Variants in KDM7A observed in about 807,000 individuals in gnomAD.
KDM7A encodes the protein lysine-specific demethylase 7A.
In KDM7A, 28 loss-of-function variants were observed where a neutral mutation model predicts 114.8. The ratio of observed to expected loss-of-function variants is 0.24; its 90% CI spans 0.18 to 0.33. KDM7A has a LOEUF of 0.33. KDM7A is among the 10% of genes least tolerant of loss of function. The pLI is 1.00. For synonymous variants in KDM7A, 423 were observed against 397.8 expected (o/e 1.06, Z -0.75); for missense variants, 942 against 1,142.5 (o/e 0.82, Z 2.53).
chr7:140,173,915 G>C (rs1340359903), intron 1 of KDM7A, among the ~76,000 whole-genome samples: 2 of 152,140 alleles, frequency 1.3e-5, no homozygotes, highest in African/African-American at 4.8e-5. Flanking sequence ...TGTAATCCCA[G>C]CACTTTGGGA....
intron 1 of KDM7A, among the ~76,000 whole-genome samples, chr7:140,160,851 T>G (rs1794511416): frequency 6.6e-6 from 1 of 152,086 alleles, no homozygotes; most frequent in African/African-American, 2.4e-5. Context: ...TACTTGGCAT[T>G]TGGATGGTTG....
chr7:140,157,995 T>TAAATAAATAAATAAATA (rs36113160), intron 1 of KDM7A, among the ~76,000 whole-genome samples: 1 of 139,406 alleles, frequency 7.2e-6, no homozygotes, highest in Non-Finnish European at 1.5e-5. Flanking sequence ...AATAAATAAA[T>TAAATAAATAAATAAATA]AATAATAATA....
At chr7:140,146,525 G>A (rs1794341914) in intron 1 of KDM7A, among the ~76,000 whole-genome samples, 2 of 152,154 alleles carry the variant, frequency 1.3e-5, no homozygotes, top group Non-Finnish European at 2.9e-5. Flanking sequence ...TTCAAACCTG[G>A]CACATAACCT....
intron 1 of KDM7A, among the ~76,000 whole-genome samples, chr7:140,171,861 C>G (rs1231293612): frequency 2.0e-5 from 3 of 151,854 alleles, no homozygotes; most frequent in African/African-American, 7.3e-5. Context: ...ATAGTGTATT[C>G]TTTTTTACAG....
In KDM7A at chr7:140,088,512, C is replaced by T. The variant is rs927788815; in HGVS notation, c.*2582G>A. On this transcript the variant is annotated 3_prime_UTR_variant, in exon 20 of 20. Coordinates refer to ENST00000397560, the MANE Select transcript of KDM7A (RefSeq NM_030647.2). ...ATGGTATAAATGAGGTTCTCTATTACTGTTAAGCCCAGGTACTCGCAGCAG... is the reference window on the plus strand; with the variant it reads ...ATGGTATAAATGAGGTTCTCTATTATTGTTAAGCCCAGGTACTCGCAGCAG... The T allele has an allele frequency of 3.0e-5, 12 of 398,362 alleles. No individual in the cohort carries two copies. Among genetic ancestry groups the T allele is most frequent in the African/African-American group, 2.3e-4 (11 of 48,734 alleles). The allele number at this position is 398,362 out of a possible 1,614,324, so 24.7% of individuals were successfully genotyped here.
At chr7:140,113,349 T>C (rs903265222) in intron 10 of KDM7A, 142 bp downstream of exon 10, 3 of 475,056 alleles carry the variant, frequency 6.3e-6, no homozygotes, top group Non-Finnish European at 1.1e-5. Context: ...TACTGAATAA[T>C]AAAATGCAGG....
intron 1 of KDM7A, among the ~76,000 whole-genome samples, chr7:140,150,546 G>GT (rs1360452188): frequency 6.6e-6 from 1 of 152,168 alleles, no homozygotes; most frequent in Non-Finnish European, 1.5e-5. Context: ...AGCCAGGTGC[G>GT]TAACAGTTTG....
intron 11 of KDM7A, among the ~76,000 whole-genome samples, chr7:140,103,869 C>A (rs1441267292): frequency 6.6e-6 from 1 of 152,154 alleles, no homozygotes; most frequent in African/African-American, 2.4e-5. Flanking sequence ...AGTTCTAGAT[C>A]CCTGAGGAAT....
intron 7 of KDM7A, 110 bp from the exon 8 acceptor site, chr7:140,120,639 T>C (rs1362747906): frequency 1.5e-6 from 1 of 660,330 alleles, no homozygotes; most frequent in African/African-American, 1.8e-5. Flanking sequence ...TTACTTCATA[T>C]TTCAGTGCTA....
chr7:140,160,782 A>G (rs964692550), intron 1 of KDM7A, among the ~76,000 whole-genome samples: 2 of 152,206 alleles, frequency 1.3e-5, no homozygotes, highest in African/African-American at 4.8e-5. Flanking sequence ...TACAGGCTGG[A>G]TGCCCACAAA....
chr7:140,115,491 T>C (rs1818512017), intron 9 of KDM7A, among the ~76,000 whole-genome samples: 1 of 152,214 alleles, frequency 6.6e-6, no homozygotes, highest in African/African-American at 2.4e-5. Flanking sequence ...TCTATGACCT[T>C]ACCCCCAACC....
intron 5 of KDM7A, among the ~76,000 whole-genome samples, 167 bp downstream of exon 5, chr7:140,127,275 A>G (rs914933535): frequency 3.3e-5 from 5 of 152,254 alleles, no homozygotes; most frequent in South Asian, 2.1e-4. Context: ...TTTAAAATAC[A>G]TCTTATTTCT....
intron 11 of KDM7A, among the ~76,000 whole-genome samples, chr7:140,107,975 T>C (rs1054550825): frequency 6.6e-5 from 10 of 152,154 alleles, no homozygotes; most frequent in African/African-American, 2.4e-4. Context: ...TTGTTTCTTT[T>C]TACTCTTTTT....
Position 140,097,617 on chromosome 7 carries a change from T to A in KDM7A, c.1944A>T (p.Glu648Asp). 1 of 1,604,976 alleles carries A rather than the reference T, an allele frequency of 6.2e-7. No homozygotes were observed. Among genetic ancestry groups the A allele is most frequent in the Non-Finnish European group, 8.5e-7 (1 of 1,171,888 alleles). ...AATATCCTGATGATCTACTCCTGAG[T>A]TCTGATTTCACACGTGTAAAAAACC... ...LNGFFTRVKS[E>D]LRSRSSGYSD... Residue 648 changes from glutamate (E) to aspartate (D), a missense_variant, in exon 15 of 20, where the codon GAA becomes GAT. Coordinates refer to ENST00000397560, the MANE Select transcript of KDM7A (RefSeq NM_030647.2).
At position 140,089,346 on chromosome 7, in the gene KDM7A, G is replaced by A. The variant is rs1460136209; in HGVS notation, c.*1748C>T. 1 of 152,134 alleles carries A rather than the reference G, an allele frequency of 6.6e-6. No individual in the cohort carries two copies. The highest frequency in any genetic ancestry group is 1.5e-5 in the Non-Finnish European group (1 of 68,024). 9.4% of individuals were successfully genotyped at this position (152,134 alleles called of 1,614,324 possible). A position where few individuals can be genotyped will look rare whatever the true frequency, so the allele number is the denominator to read the frequency against. On this transcript the variant is annotated 3_prime_UTR_variant, in exon 20 of 20. Coordinates refer to ENST00000397560, the MANE Select transcript of KDM7A (RefSeq NM_030647.2). ...TTTCATATTTATCCCATGACATTTT[G>A]GAATGGGGACACAAGAAGTATTTCT... is the stretch of plus-strand genomic sequence containing the variant.
intron 1 of KDM7A, among the ~76,000 whole-genome samples, chr7:140,166,240 G>A (rs1794573468): frequency 1.3e-5 from 2 of 151,632 alleles, no homozygotes; most frequent in African/African-American, 2.4e-5. Flanking sequence ...AAAACTATAC[G>A]ATTCTCTCCA....
chr7:140,089,893 A>G lies in KDM7A; in HGVS notation c.*1201T>C, dbSNP rs1168832254. The G allele has an allele frequency of 6.6e-6, 1 of 152,262 alleles. No individual in the cohort carries two copies. The highest frequency in any genetic ancestry group is 2.4e-5 in the African/African-American group (1 of 41,478). 9.4% of individuals were successfully genotyped at this position (152,262 alleles called of 1,614,324 possible). A position where few individuals can be genotyped will look rare whatever the true frequency, so the allele number is the denominator to read the frequency against. ...AAAAGTAAATACACACAAAAGATCT[A>G]TTCCAACATGCTTGCTTCTATACAA... On this transcript the variant is annotated 3_prime_UTR_variant, in exon 20 of 20. Coordinates refer to ENST00000397560, the MANE Select transcript of KDM7A (RefSeq NM_030647.2).
chr7:140,117,077 G>C (rs1818542267), intron 9 of KDM7A, among the ~76,000 whole-genome samples: 1 of 152,200 alleles, frequency 6.6e-6, no homozygotes. Flanking sequence ...TGCTTAAAAT[G>C]ATGGCAATTG....
At position 140,100,675 on chromosome 7, in the gene KDM7A, T is replaced by TATAC. The variant is rs1554395389; in HGVS notation, c.1639-653_1639-652insGTAT. On this transcript the variant is annotated intron_variant, in intron 12 of 19. Coordinates refer to ENST00000397560, the MANE Select transcript of KDM7A (RefSeq NM_030647.2). ...TTTTAAAAAGTTATATATATATATA[T>TATAC]ATATACATATATACATATATATATA... Among the ~76,000 whole-genome samples, 312 of 44,204 alleles carry TATAC rather than the reference T, an allele frequency of 7.1e-3. 5 individuals carry two copies. The highest frequency in any genetic ancestry group is 0.028 in the Middle Eastern group (3 of 106). 29.0% of individuals were successfully genotyped at this position (44,204 alleles called of 152,430 possible). A position where few individuals can be genotyped will look rare whatever the true frequency, so the allele number is the denominator to read the frequency against.
Sources: allele counts gnomAD v4.1 joint callset (sites outside exome capture counted in the v4.1 genomes callset), GRCh38; gene constraint gnomAD v4.1.1; transcripts MANE v1.5; gene names NCBI Gene and HGNC (gene_info 2026-07-23, HGNC 2026-07-21).